The following CSMD1 variants were observed in gnomAD, a reference collection of about 807,000 sequenced individuals.
CSMD1 encodes the protein CUB and Sushi multiple domains 1.
CSMD1 carries 213 observed loss-of-function variants against 417.5 expected under a neutral mutation model. That is an observed-to-expected ratio of 0.51 (90% confidence interval 0.46 to 0.57). The LOEUF (loss-of-function observed/expected upper bound fraction) is 0.57. CSMD1 is among the 20% of genes least tolerant of loss of function. The pLI, the probability that CSMD1 is intolerant of heterozygous loss-of-function variation, is 0.00. For missense variants in CSMD1, 6,923 were observed against 4,529.7 expected (o/e 1.53, Z -15.17); for synonymous variants, 2,862 against 1,736.8 (o/e 1.65, Z -16.11).
chr8:2,958,519 G>C (rs1353772279), intron 62 of CSMD1, among the ~76,000 whole-genome samples: 5 of 152,202 alleles, frequency 3.3e-5, no homozygotes, highest in Non-Finnish European at 2.9e-5. Flanking sequence ...GGTGCCTTGA[G>C]GGGCAGATTC....
chr8:3,940,198 T>C (rs1288094162), intron 5 of CSMD1, among the ~76,000 whole-genome samples: 2 of 151,928 alleles, frequency 1.3e-5, no homozygotes, highest in African/African-American at 4.8e-5. Context: ...CTTATTATTT[T>C]TGAAAAAGTT....
chr8:4,623,695 T>A (rs756353642), intron 2 of CSMD1, among the ~76,000 whole-genome samples: 8 of 152,098 alleles, frequency 5.3e-5, no homozygotes, highest in Non-Finnish European at 1.2e-4. Flanking sequence ...GACCTCAAAA[T>A]CATTATTCTG....
At chr8:4,819,838 G>A (rs1286680442) in intron 1 of CSMD1, among the ~76,000 whole-genome samples, 2 of 152,114 alleles carry the variant, frequency 1.3e-5, no homozygotes, top group African/African-American at 2.4e-5. Context: ...CCAACCAGAA[G>A]AGCAAACGAG....
At chr8:4,139,249 C>A (rs369042109) in intron 3 of CSMD1, among the ~76,000 whole-genome samples, 37,981 of 140,818 alleles carry the variant, frequency 0.27, 6,659 homozygotes, top group Non-Finnish European at 0.36. Flanking sequence ...AATTTAGCTT[C>A]ATTATGCATC....
At chr8:2,967,924 C>T (rs1273339475) in intron 57 of CSMD1, among the ~76,000 whole-genome samples, 1 of 152,088 alleles carries the variant, frequency 6.6e-6, no homozygotes, top group African/African-American at 2.4e-5. Flanking sequence ...ATACAAAGTG[C>T]ACACGCTGGT....
Position 4,637,473 on chromosome 8 carries a change from G to C in CSMD1, c.171C>G (p.Asn57Lys). 4 of 1,613,842 alleles carry C rather than the reference G, an allele frequency of 2.5e-6. No individual in the cohort carries two copies. Among genetic ancestry groups the C allele is most frequent in the Non-Finnish European group, 3.4e-6 (4 of 1,179,854 alleles). Residue 57 changes from asparagine to lysine, a missense_variant, in exon 2 of 70, where the codon AAC becomes AAG. Physicochemically the swap from Asn to Lys is moderately conservative, Grantham distance 94 (BLOSUM62 0). Transcript: ENST00000635120. ...GFPHGYPNYA[N>K]CTWIIITGER... is the part of the protein sequence containing the mutation. ...CGCCCGTGATGATGATCCAGGTGCAGTTGGCATAGTTCGGATACCCGTGAG... is the reference window on the plus strand; with the variant it reads ...CGCCCGTGATGATGATCCAGGTGCACTTGGCATAGTTCGGATACCCGTGAG...
chr8:4,452,723 G>A (rs936485599), intron 2 of CSMD1, among the ~76,000 whole-genome samples: 1 of 151,818 alleles, frequency 6.6e-6, no homozygotes, highest in African/African-American at 2.4e-5. Flanking sequence ...AAATCAACAC[G>A]GACACAGACA....
At chr8:4,594,544 G>T (rs1237025002) in intron 2 of CSMD1, among the ~76,000 whole-genome samples, 2 of 152,066 alleles carry the variant, frequency 1.3e-5, no homozygotes, top group African/African-American at 4.8e-5. Context: ...GAGTTATTGG[G>T]ATTTAGGAAT....
intron 1 of CSMD1, among the ~76,000 whole-genome samples, chr8:4,880,430 T>G (rs1297684112): frequency 6.6e-6 from 1 of 152,070 alleles, no homozygotes; most frequent in Non-Finnish European, 1.5e-5. Context: ...TCCTTACAGA[T>G]GTATGATGAC....
At chr8:3,265,381 C>A (rs1801360428) in intron 26 of CSMD1, among the ~76,000 whole-genome samples, 1 of 152,282 alleles carries the variant, frequency 6.6e-6, no homozygotes, top group Non-Finnish European at 1.5e-5. Context: ...AAGATAATTT[C>A]TATGAATCTT....
rs780192246 is a variant in CSMD1, at chr8:2,998,133, C to T, written c.8255G>A (p.Ser2752Asn). 6.2e-7 allele frequency: 1 copy of T among 1,614,024 alleles called. No homozygotes were observed. The highest frequency in any genetic ancestry group is 8.5e-7 in the Non-Finnish European group (1 of 1,179,880). The change falls in exon 54 of 70, where the codon AGT becomes AAT. Residue 2752 changes from serine to asparagine, a missense_variant. Physicochemically the swap from Ser to Asn is conservative, Grantham distance 46. Coordinates refer to ENST00000635120, the MANE Select transcript of CSMD1 (RefSeq NM_033225.6). ...CACGACATCATTCAGGTTGAACTCA[C>T]TGCCATTAGTGAATCCGTGGGCAGG... ...GNPAHGFTNG[S>N]EFNLNDVVNF...
intron 26 of CSMD1, among the ~76,000 whole-genome samples, chr8:3,271,469 G>GT (rs1484665333): frequency 6.7e-6 from 1 of 148,374 alleles, no homozygotes; most frequent in East Asian, 2.0e-4. Context: ...GGGTCAAATG[G>GT]TATTTCTAGT....
intron 3 of CSMD1, among the ~76,000 whole-genome samples, chr8:4,148,669 G>A (rs1331607866): frequency 1.3e-5 from 2 of 152,134 alleles, no homozygotes; most frequent in African/African-American, 4.8e-5. Context: ...AGAGGAGCGT[G>A]CCCTCGTGTC....
chr8:4,119,834 C>T (rs531151823), intron 3 of CSMD1, among the ~76,000 whole-genome samples: 8 of 152,158 alleles, frequency 5.3e-5, no homozygotes, highest in African/African-American at 1.4e-4. Context: ...AACTCCTACA[C>T]GTTTGTGTAT....
chr8:3,528,746 G>C (rs1038252640), intron 10 of CSMD1, among the ~76,000 whole-genome samples: 10 of 152,150 alleles, frequency 6.6e-5, no homozygotes, highest in African/African-American at 2.2e-4. Flanking sequence ...TGTTCCAATT[G>C]CTGAGACTAT....
rs545845876 is a variant in CSMD1, at chr8:4,126,116, C to G, written c.416-94017G>C. Among the ~76,000 whole-genome samples the G allele has an allele frequency of 5.3e-5, 8 of 152,160 alleles. No homozygotes were observed. In the East Asian group the frequency reaches 1.5e-3, roughly 29 times the overall value. ...AGCAAGAAAAACTCACTTTGACCCC[C>G]TGTGATTTCATCTTCAACCTGACCA... On this transcript the variant is annotated intron_variant, in intron 3 of 69. Coordinates refer to ENST00000635120, the MANE Select transcript of CSMD1 (RefSeq NM_033225.6).
chr8:3,339,134 T>C (rs549730457), intron 23 of CSMD1, among the ~76,000 whole-genome samples: 233 of 152,090 alleles, frequency 1.5e-3, no homozygotes, highest in Non-Finnish European at 2.9e-3. Context: ...TGATTTCCAA[T>C]TTCATCCATG....
chr8:3,707,654 T>G (rs1408144525), intron 7 of CSMD1, among the ~76,000 whole-genome samples: 1 of 151,258 alleles, frequency 6.6e-6, no homozygotes, highest in East Asian at 2.0e-4. Flanking sequence ...GCAAAACCAG[T>G]GGAGAGCTGA....
chr8:3,827,216 T>A (rs911017095), intron 5 of CSMD1, among the ~76,000 whole-genome samples: 1 of 152,208 alleles, frequency 6.6e-6, no homozygotes, highest in African/African-American at 2.4e-5. Flanking sequence ...GGGACAAACT[T>A]GTCTTTCATA....
Sources: allele counts gnomAD v4.1 joint callset (sites outside exome capture counted in the v4.1 genomes callset), GRCh38; gene constraint gnomAD v4.1.1; transcripts MANE v1.5; gene names NCBI Gene and HGNC (gene_info 2026-07-23, HGNC 2026-07-21).